The following CREG2 variants were observed in gnomAD, a reference collection of about 807,000 sequenced individuals.
CREG2 encodes cellular repressor of E1A stimulated genes 2.
CREG2 carries 24 observed loss-of-function variants against 26.2 expected under a neutral mutation model. That is an observed-to-expected ratio of 0.92 (90% CI 0.66 to 1.29). CREG2 has a LOEUF of 1.29. CREG2 is among the 50% of genes most tolerant of loss of function. CREG2 has a pLI of 0.00. For synonymous variants in CREG2, 174 were observed against 169.2 expected, an observed-to-expected ratio of 1.03 and a Z score of -0.22; for missense variants, 366 against 398.6, an observed-to-expected ratio of 0.92 and a Z score of 0.70.
At chr2:101,355,183 G>T in intron 3 of CREG2, 70 bp downstream of exon 3, 2 of 1,020,758 alleles carry the variant, frequency 2.0e-6, no homozygotes, top group Non-Finnish European at 3.1e-6. Context: ...GGCATCTAAT[G>T]GCACAGCCTG....
At chr2:101,352,480 G>T (rs1246833880) in intron 3 of CREG2, among the ~76,000 whole-genome samples, 1 of 152,182 alleles carries the variant, frequency 6.6e-6, no homozygotes, top group Non-Finnish European at 1.5e-5. Flanking sequence ...AAGCTGGAAG[G>T]ACCCTGAGGA....
rs1446734284 is a variant in CREG2, at chr2:101,348,849, T to A, written c.*2074A>T. ...CTCTAACATTTTAATCAATGTAAATTTCTAGAGATTTGCTGAAACACACTT... is the reference window on the plus strand; with the variant it reads ...CTCTAACATTTTAATCAATGTAAATATCTAGAGATTTGCTGAAACACACTT... On this transcript the variant is annotated 3_prime_UTR_variant, in exon 4 of 4. Coordinates refer to ENST00000324768, the MANE Select transcript of CREG2 (RefSeq NM_153836.4). 6.6e-6 allele frequency: 1 copy of A among 152,202 alleles called. No individual in the cohort carries two copies. The highest frequency in any genetic ancestry group is 1.5e-5 in the Non-Finnish European group (1 of 68,030). 9.4% of individuals were successfully genotyped at this position (152,202 alleles called of 1,614,324 possible). A position where few individuals can be genotyped will look rare whatever the true frequency, so the allele number is the denominator to read the frequency against.
chr2:101,373,088 T>C (rs1018790731), intron 2 of CREG2, among the ~76,000 whole-genome samples: 2 of 152,138 alleles, frequency 1.3e-5, no homozygotes, highest in Admixed American at 6.5e-5. Context: ...CCATAAGACC[T>C]AGCAATTCCA....
chr2:101,356,966 T>C (rs1684471759), intron 2 of CREG2, among the ~76,000 whole-genome samples: 1 of 151,936 alleles, frequency 6.6e-6, no homozygotes, highest in African/African-American at 2.4e-5. Context: ...CTTGGCTCAC[T>C]GCAACCTCCG....
intron 3 of CREG2, among the ~76,000 whole-genome samples, chr2:101,353,986 G>A (rs1238473828): frequency 1.3e-5 from 2 of 152,140 alleles, no homozygotes; most frequent in Non-Finnish European, 2.9e-5. Flanking sequence ...GCAAGAGGAT[G>A]GAAAGCATTA....
rs1008575494 is a variant in CREG2 at position 101,346,677 on chromosome 2, A to G, written c.*4246T>C. On this transcript the variant is annotated 3_prime_UTR_variant, in exon 4 of 4. Coordinates refer to ENST00000324768, the MANE Select transcript of CREG2 (RefSeq NM_153836.4). ...CAGTTCCTCATTTTATTAGGGACTA[A>G]TAAGAGAGAGAGTATAAATGCTTTA... 2 of 152,226 alleles carry G rather than the reference A, an allele frequency of 1.3e-5. No homozygotes were observed. The highest frequency in any genetic ancestry group is 2.9e-5 in the Non-Finnish European group (2 of 68,034). The allele number at this position is 152,226 out of a possible 1,614,324, so 9.4% of individuals were successfully genotyped here. A position where few individuals can be genotyped will look rare whatever the true frequency, so the allele number is the denominator to read the frequency against.
intron 2 of CREG2, among the ~76,000 whole-genome samples, chr2:101,380,496 C>T (rs1233332616): frequency 2.0e-5 from 3 of 152,260 alleles, no homozygotes; most frequent in Non-Finnish European, 4.4e-5. Flanking sequence ...TCCCAACTTC[C>T]TCCCTGTCAG....
intron 2 of CREG2, among the ~76,000 whole-genome samples, chr2:101,376,338 C>T (rs1684790597): frequency 6.6e-6 from 1 of 151,818 alleles, no homozygotes; most frequent in South Asian, 2.1e-4. Flanking sequence ...AGTGCAGTGG[C>T]CTGATCTCAG....
chr2:101,369,505 C>A (rs1684670466), intron 2 of CREG2, among the ~76,000 whole-genome samples: 1 of 152,062 alleles, frequency 6.6e-6, no homozygotes, highest in Non-Finnish European at 1.5e-5. Flanking sequence ...GAGTCACTGG[C>A]ACATATGAAT....
chr2:101,347,307 C>A lies in CREG2; in HGVS notation c.*3616G>T, dbSNP rs1684321984. The A allele has an allele frequency of 6.6e-6, 1 of 152,072 alleles. No homozygotes were observed. The highest frequency in any genetic ancestry group is 1.5e-5 in the Non-Finnish European group (1 of 68,016). The allele number at this position is 152,072 out of a possible 1,614,324, so 9.4% of individuals were successfully genotyped here. On this transcript the variant is annotated 3_prime_UTR_variant, in exon 4 of 4. Transcript: ENST00000324768. Reference sequence around the variant, plus strand: ...TTCATGCACAAGTTTTTGTGTGAACCTCTTTTCATTTCTCTTGTATAAATG... The same window carrying A: ...TTCATGCACAAGTTTTTGTGTGAACATCTTTTCATTTCTCTTGTATAAATG...
At chr2:101,356,509 A>G (rs1215550368) in intron 2 of CREG2, among the ~76,000 whole-genome samples, 1 of 152,208 alleles carries the variant, frequency 6.6e-6, no homozygotes, top group East Asian at 1.9e-4. Context: ...GTGCACATAA[A>G]AATTTACTAA....
chr2:101,357,508 A>T (rs1271385429), intron 2 of CREG2, among the ~76,000 whole-genome samples: 1 of 152,224 alleles, frequency 6.6e-6, no homozygotes, highest in African/African-American at 2.4e-5. Context: ...AGCTGTGTCC[A>T]TAAGTGTTTG....
chr2:101,382,896 T>G (rs1015068972), intron 2 of CREG2: 3 of 985,430 alleles, frequency 3.0e-6, no homozygotes, highest in African/African-American at 3.5e-5. Flanking sequence ...CACATGCAGC[T>G]CCCACACCAG....
In CREG2 at chr2:101,346,840, A is replaced by G. The variant is rs904657841; in HGVS notation, c.*4083T>C. The G allele has an allele frequency of 6.6e-6, 1 of 152,180 alleles. No individual in the cohort carries two copies. Among genetic ancestry groups the G allele is most frequent in the African/African-American group, 2.4e-5 (1 of 41,448 alleles). The allele number at this position is 152,180 out of a possible 1,614,324, so 9.4% of individuals were successfully genotyped here. The stretch of plus-strand genomic sequence containing the variant: ...CAGAGATCCTGTGTTCTTTTTACCC[A>G]GTTTTCCCCAATGGCACATCTTGCT... On this transcript the variant is annotated 3_prime_UTR_variant, in exon 4 of 4. Transcript: ENST00000324768.
At chr2:101,385,285 G>A (rs1415651851) in intron 1 of CREG2, among the ~76,000 whole-genome samples, 4 of 152,136 alleles carry the variant, frequency 2.6e-5, no homozygotes, top group Admixed American at 6.5e-5. Flanking sequence ...TGGGTTAAGC[G>A]ATTCTTGTGC....
chr2:101,360,390 T>G (rs1389178603), intron 2 of CREG2, among the ~76,000 whole-genome samples: 2 of 152,170 alleles, frequency 1.3e-5, no homozygotes, highest in Admixed American at 1.3e-4. Flanking sequence ...GTTGCTTCAG[T>G]GACTCATTTT....
At position 101,350,896 on chromosome 2, in the gene CREG2, A is replaced by G. The variant is rs182407554; in HGVS notation, c.*27T>C. ...CTGAAAAGGTTTTCATTTAAGTGCA[A>G]ACACCAAGGACTTTCTTCTCACTCC... On this transcript the variant is annotated 3_prime_UTR_variant, in exon 4 of 4. Transcript: ENST00000324768. The G allele has an allele frequency of 1.1e-4, 179 of 1,612,042 alleles. No homozygotes were observed. In the African/African-American group the frequency reaches 2.2e-3, roughly 20 times the overall value.
chr2:101,374,985 G>C (rs939718185), intron 2 of CREG2, among the ~76,000 whole-genome samples: 1 of 152,092 alleles, frequency 6.6e-6, no homozygotes, highest in Admixed American at 6.5e-5. Flanking sequence ...AAACTGACCC[G>C]CCTGCTGACA....
Position 101,356,784 on chromosome 2 carries a change from T to C in CREG2, c.612-1418A>G, listed in dbSNP as rs183043530. On this transcript the variant is annotated intron_variant, in intron 2 of 3. Coordinates refer to ENST00000324768, the MANE Select transcript of CREG2 (RefSeq NM_153836.4). ...AATAATAAGAACAGTAGTGTGATCA[T>C]ATTTGTGACTGCTTGCTAAGAAATG... Among the ~76,000 whole-genome samples, 5 of 152,308 alleles carry C rather than the reference T, an allele frequency of 3.3e-5. No homozygotes were observed. In the East Asian group the frequency reaches 9.7e-4, roughly 29 times the overall value.
Sources: gnomAD v4.1 joint callset for allele counts (sites outside exome capture counted in the v4.1 genomes callset) on GRCh38, gnomAD v4.1.1 for gene constraint, MANE v1.5 for transcripts, NCBI Gene and HGNC (gene_info 2026-07-23, HGNC 2026-07-21) for gene names.